The following AUTS2 variants were observed in gnomAD, a reference collection of about 807,000 sequenced individuals.
AUTS2 encodes the protein autism susceptibility gene 2 protein.
Under a neutral mutation model 112.4 loss-of-function variants are expected in AUTS2, and 17 were observed. That is an observed-to-expected ratio of 0.15 (90% CI 0.10 to 0.23). The LOEUF is 0.23. AUTS2 is among the 10% of genes least tolerant of loss of function. The probability of loss-of-function intolerance (pLI) is 1.00; values close to 1 mark genes in which losing one functional copy is unlikely to be tolerated. For missense variants in AUTS2, 1,510 were observed against 1,701.6 expected (o/e 0.89, Z 1.98); for synonymous variants, 751 against 702.7 (o/e 1.07, Z -1.09).
intron 4 of AUTS2, among the ~76,000 whole-genome samples, chr7:70,206,027 G>A (rs924374519): frequency 3.3e-5 from 5 of 152,210 alleles, no homozygotes; most frequent in Non-Finnish European, 5.9e-5. Context: ...TCTGTTTCAA[G>A]TTCCTAATTT....
intron 2 of AUTS2, among the ~76,000 whole-genome samples, chr7:69,915,412 A>T (rs962033997): frequency 2.6e-5 from 4 of 152,218 alleles, no homozygotes; most frequent in Non-Finnish European, 4.4e-5. Flanking sequence ...ACTCAGGTGC[A>T]ATTTACTGGG....
At chr7:69,618,938 G>A (rs2129088435) in intron 1 of AUTS2, among the ~76,000 whole-genome samples, 1 of 152,132 alleles carries the variant, frequency 6.6e-6, no homozygotes, top group South Asian at 2.1e-4. Context: ...TGTACCTCTG[G>A]GAGGGTGCAG....
intron 1 of AUTS2, among the ~76,000 whole-genome samples, chr7:69,715,341 G>A (rs1387501826): frequency 6.6e-6 from 1 of 152,000 alleles, no homozygotes; most frequent in Non-Finnish European, 1.5e-5. Context: ...TGACCATGTT[G>A]GTGGCTCTTG....
intron 4 of AUTS2, among the ~76,000 whole-genome samples, chr7:70,221,573 C>A (rs1187632777): frequency 2.0e-5 from 3 of 152,180 alleles, no homozygotes; most frequent in Non-Finnish European, 4.4e-5. Context: ...TTTGCCTGTT[C>A]TAGAATTTCA....
intron 1 of AUTS2, among the ~76,000 whole-genome samples, chr7:69,880,020 G>C (rs1218511734): frequency 6.6e-6 from 1 of 152,138 alleles, no homozygotes. Flanking sequence ...ACTGAGACTG[G>C]GTAACTTATA....
chr7:69,637,620 G>T (rs1240293426), intron 1 of AUTS2, among the ~76,000 whole-genome samples: 1 of 152,164 alleles, frequency 6.6e-6, no homozygotes. Context: ...TTTGTTTTTC[G>T]TAAGGCAGGA....
chr7:70,012,905 G>T (rs914127702), intron 2 of AUTS2, among the ~76,000 whole-genome samples: 4 of 152,202 alleles, frequency 2.6e-5, no homozygotes, highest in Non-Finnish European at 5.9e-5. Context: ...TTGGGTTGTA[G>T]AGAAATAAGT....
chr7:69,840,990 C>T (rs756080461), intron 1 of AUTS2, among the ~76,000 whole-genome samples: 3 of 152,166 alleles, frequency 2.0e-5, no homozygotes, highest in Non-Finnish European at 4.4e-5. Flanking sequence ...CCACAAATTA[C>T]CAGCAAAGGG....
At chr7:70,196,249 G>A (rs1204766267) in intron 4 of AUTS2, among the ~76,000 whole-genome samples, 1 of 152,194 alleles carries the variant, frequency 6.6e-6, no homozygotes, top group African/African-American at 2.4e-5. Flanking sequence ...CCTGGGTAAA[G>A]TGTGCTGTTG....
rs530553342 is a variant in AUTS2 at position 69,797,187 on chromosome 7, G to T, written c.310-102099G>T. ...TTTGGAGACCTGGGGACTTTTGCAG[G>T]TGGGTAGTATTACGCAGAGCCCAGA... On this transcript the variant is annotated intron_variant, in intron 1 of 18. Transcript: ENST00000342771. 7.9e-5 allele frequency among the ~76,000 whole-genome samples: 12 copies of T among 152,302 alleles called. No individual in the cohort carries two copies. In the South Asian group the frequency reaches 2.5e-3, roughly 32 times the overall value.
intron 1 of AUTS2, among the ~76,000 whole-genome samples, chr7:69,775,471 A>G (rs923664918): frequency 6.6e-6 from 1 of 151,428 alleles, no homozygotes; most frequent in African/African-American, 2.4e-5. Flanking sequence ...AAGCCCAGGG[A>G]CTCTCCTCAC....
At chr7:70,276,657 G>A (rs1271686954) in intron 4 of AUTS2, among the ~76,000 whole-genome samples, 1 of 152,138 alleles carries the variant, frequency 6.6e-6, no homozygotes, top group Non-Finnish European at 1.5e-5. Flanking sequence ...GGGATTACAG[G>A]TGTGAGCCAC....
chr7:70,364,614 T>TAAATAAAA (rs1554380404), intron 4 of AUTS2, among the ~76,000 whole-genome samples: 2 of 142,528 alleles, frequency 1.4e-5, no homozygotes, highest in African/African-American at 2.7e-5. Context: ...AATAAATAAA[T>TAAATAAAA]AAAAATTAAA....
At chr7:70,314,600 AT>A (rs1286031934) in intron 4 of AUTS2, among the ~76,000 whole-genome samples, 1 of 151,984 alleles carries the variant, frequency 6.6e-6, no homozygotes, top group Non-Finnish European at 1.5e-5. Flanking sequence ...GTTGCTTTAG[AT>A]TTTTTTCCTC....
chr7:70,041,755 C>T (rs1397140589), intron 2 of AUTS2, among the ~76,000 whole-genome samples: 2 of 152,100 alleles, frequency 1.3e-5, no homozygotes, highest in African/African-American at 2.4e-5. Context: ...TCAGAAATAG[C>T]TTGGGGAATG....
rs142493158 is a variant in AUTS2, at chr7:69,709,228, T to A, written c.309+109266T>A. On this transcript the variant is annotated intron_variant, in intron 1 of 18. Coordinates refer to ENST00000342771, the MANE Select transcript of AUTS2 (RefSeq NM_015570.4). Reference sequence around the variant, plus strand: ...CTTTCTTCCTCTTTGGTGGCATTAATCTTTGCGAAACCAGGCTCAGACTCC... The same window carrying A: ...CTTTCTTCCTCTTTGGTGGCATTAAACTTTGCGAAACCAGGCTCAGACTCC... 2.0e-5 allele frequency among the ~76,000 whole-genome samples: 3 copies of A among 152,350 alleles called. No homozygotes were observed. The East Asian group carries it at 5.8e-4, about 29-fold the overall frequency.
intron 2 of AUTS2, among the ~76,000 whole-genome samples, chr7:70,117,580 T>C (rs76520468): frequency 7.4e-4 from 112 of 152,278 alleles, no homozygotes; most frequent in African/African-American, 2.7e-3. Flanking sequence ...ACCTTGAGGT[T>C]TGGCTTTTTA....
At chr7:70,738,031 T>G (rs1400990190) in intron 6 of AUTS2, among the ~76,000 whole-genome samples, 1 of 152,192 alleles carries the variant, frequency 6.6e-6, no homozygotes, top group Non-Finnish European at 1.5e-5. Context: ...CAACTTTTTG[T>G]CAGATAAAGT....
chr7:70,609,902 T>C (rs1406639800), intron 5 of AUTS2, among the ~76,000 whole-genome samples: 1 of 152,254 alleles, frequency 6.6e-6, no homozygotes, highest in Non-Finnish European at 1.5e-5. Context: ...ATTGATCTTA[T>C]TTCCTTTGGA....
Sources: allele counts gnomAD v4.1 joint callset (sites outside exome capture counted in the v4.1 genomes callset), GRCh38; gene constraint gnomAD v4.1.1; transcripts MANE v1.5; gene names NCBI Gene and HGNC (gene_info 2026-07-23, HGNC 2026-07-21).